ATF6: variants seen among roughly 807,000 people sequenced by gnomAD.
ATF6 encodes the protein cyclic AMP-dependent transcription factor ATF-6 alpha.
ATF6 carries 53 observed loss-of-function variants against 83.6 expected under a neutral mutation model. That is an observed-to-expected ratio of 0.63 (90% CI 0.51 to 0.80). The LOEUF (loss-of-function observed/expected upper bound fraction) is 0.80, where lower values mean the gene tolerates loss of function less well. ATF6 is among the 30% of genes least tolerant of loss of function. ATF6 has a pLI of 0.00. For missense variants in ATF6, 744 were observed against 797.9 expected (o/e 0.93, Z 0.81); for synonymous variants, 288 against 285.8 (o/e 1.01, Z -0.08).
chr1:161,892,860 A>G (rs1687587548), intron 14 of ATF6, among the ~76,000 whole-genome samples: 1 of 151,450 alleles, frequency 6.6e-6, no homozygotes, highest in Admixed American at 6.6e-5. Flanking sequence ...CTGGTCTCGA[A>G]CTCCTGACCT....
chr1:161,819,325 A>G (rs1685692739), intron 7 of ATF6, among the ~76,000 whole-genome samples: 1 of 152,208 alleles, frequency 6.6e-6, no homozygotes, highest in South Asian at 2.1e-4. Flanking sequence ...ATGTATGTAT[A>G]TATGCATATA....
At chr1:161,833,387 A>T (rs1267070751) in intron 9 of ATF6, among the ~76,000 whole-genome samples, 1 of 152,136 alleles carries the variant, frequency 6.6e-6, no homozygotes, top group Non-Finnish European at 1.5e-5. Context: ...CACCCGCAAC[A>T]GAACAAAGCT....
intron 15 of ATF6, among the ~76,000 whole-genome samples, chr1:161,949,355 G>T (rs1216772147): frequency 6.6e-6 from 1 of 152,206 alleles, no homozygotes; most frequent in Non-Finnish European, 1.5e-5. Context: ...TTACTGCTAG[G>T]AGTGTGTCTG....
At chr1:161,805,935 T>C (rs1685268696) in intron 7 of ATF6, among the ~76,000 whole-genome samples, 1 of 152,170 alleles carries the variant, frequency 6.6e-6, no homozygotes, top group Non-Finnish European at 1.5e-5. Flanking sequence ...CAGCCATAAG[T>C]AGCGTTTTTA....
At chr1:161,782,144 A>G (rs913204831) in intron 3 of ATF6, 145 bp downstream of exon 3, 7 of 583,792 alleles carry the variant, frequency 1.2e-5, no homozygotes, top group African/African-American at 1.9e-5. Flanking sequence ...CTGGTATGGC[A>G]ATTATGTAAA....
chr1:161,931,121 C>T (rs1410231740), intron 15 of ATF6, among the ~76,000 whole-genome samples: 2 of 152,164 alleles, frequency 1.3e-5, no homozygotes, highest in African/African-American at 2.4e-5. Context: ...GTGATCCACT[C>T]GCCTCAGCCT....
intron 15 of ATF6, among the ~76,000 whole-genome samples, chr1:161,942,942 G>A (rs10800137): frequency 0.63 from 95,956 of 152,010 alleles, 32,045 homozygotes; most frequent in Non-Finnish European, 0.75. Flanking sequence ...TGCAACCTCC[G>A]CCTCCAGGGT....
chr1:161,939,100 A>G (rs1469851666), intron 15 of ATF6, among the ~76,000 whole-genome samples: 1 of 152,098 alleles, frequency 6.6e-6, no homozygotes, highest in African/African-American at 2.4e-5. Flanking sequence ...ATGCTACCAT[A>G]TTATCTTCTC....
chr1:161,909,836 G>T (rs1382764426), intron 14 of ATF6, among the ~76,000 whole-genome samples: 1 of 152,124 alleles, frequency 6.6e-6, no homozygotes, highest in African/African-American at 2.4e-5. Flanking sequence ...GGCGCCTGTA[G>T]TCCCAGCTAC....
At position 161,951,971 on chromosome 1, in the gene ATF6, G is replaced by T. The variant is rs111440656; in HGVS notation, c.1805-6475G>T. On this transcript the variant is annotated intron_variant, in intron 15 of 15. Coordinates refer to ENST00000367942, the MANE Select transcript of ATF6 (RefSeq NM_007348.4). ...CTGTAATAGTACCTGGCCATTACTG[G>T]TCTATAATCAGTGCTCATATAATTG... is the stretch of plus-strand genomic sequence containing the variant. Among the ~76,000 whole-genome samples, 1,504 of 152,242 alleles carry T rather than the reference G, an allele frequency of 9.9e-3. 8 individuals carry two copies. Among genetic ancestry groups the T allele is most frequent in the South Asian group, 0.017 (83 of 4,812 alleles).
intron 6 of ATF6, among the ~76,000 whole-genome samples, chr1:161,793,885 A>G (rs776344944): frequency 2.6e-5 from 4 of 151,910 alleles, no homozygotes; most frequent in African/African-American, 7.3e-5. Flanking sequence ...GCATGTGCTA[A>G]TATGAGGAAC....
chr1:161,872,541 G>A (rs182846823), intron 14 of ATF6, among the ~76,000 whole-genome samples: 119 of 151,698 alleles, frequency 7.8e-4, no homozygotes, highest in African/African-American at 2.8e-3. Flanking sequence ...AGAAATATAG[G>A]AGAATTGGAA....
chr1:161,858,505 A>G (rs1686813109), intron 12 of ATF6, among the ~76,000 whole-genome samples: 1 of 152,198 alleles, frequency 6.6e-6, no homozygotes, highest in Non-Finnish European at 1.5e-5. Flanking sequence ...TAGACTTCCA[A>G]ACAAAGATTA....
rs146075330 is a variant in ATF6, at chr1:161,846,686, GAGT to G, written c.1319+112_1319+114del. 2,380 of 1,174,792 alleles carry G rather than the reference GAGT, an allele frequency of 2.0e-3. 38 individuals carry two copies. The African/African-American group carries it at 0.033, about 16-fold the overall frequency. 72.8% of individuals were successfully genotyped at this position (1,174,792 alleles called of 1,614,324 possible). On this transcript the variant is annotated intron_variant, in intron 10 of 15. Transcript: ENST00000367942. The stretch of plus-strand genomic sequence containing the variant: ...CATCTAAATTGTTCGTGTATATTTT[GAGT>G]AGTAGAACACATAAATTACTGAAAC...
chr1:161,884,387 A>C (rs1212354756), intron 14 of ATF6, among the ~76,000 whole-genome samples: 1 of 152,130 alleles, frequency 6.6e-6, no homozygotes, highest in African/African-American at 2.4e-5. Context: ...CTTTAAAGAA[A>C]ACATAAATGT....
At chr1:161,927,269 A>C (rs1688336631) in intron 15 of ATF6, among the ~76,000 whole-genome samples, 1 of 152,176 alleles carries the variant, frequency 6.6e-6, no homozygotes, top group South Asian at 2.1e-4. Flanking sequence ...GTCTGTAGGC[A>C]AGCATTTTAT....
chr1:161,948,074 C>T (rs560493453), intron 15 of ATF6, among the ~76,000 whole-genome samples: 33 of 151,952 alleles, frequency 2.2e-4, no homozygotes, highest in East Asian at 5.8e-4. Flanking sequence ...TCCACCCCCC[C>T]GTCAGCCTCC....
intron 1 of ATF6, among the ~76,000 whole-genome samples, chr1:161,776,699 G>T (rs1050053343): frequency 1.3e-5 from 2 of 152,144 alleles, no homozygotes; most frequent in Non-Finnish European, 2.9e-5. Flanking sequence ...AGGTTTGGTG[G>T]GGTTGATGAG....
At chr1:161,803,986 T>TC (rs1685218402) in intron 7 of ATF6, among the ~76,000 whole-genome samples, 2 of 79,886 alleles carry the variant, frequency 2.5e-5, no homozygotes, top group Admixed American at 3.2e-4. Context: ...GTGCTATCCC[T>TC]CCCCCCTCCC....
Sources: allele counts gnomAD v4.1 joint callset (sites outside exome capture counted in the v4.1 genomes callset), GRCh38; gene constraint gnomAD v4.1.1; transcripts MANE v1.5; gene names NCBI Gene and HGNC (gene_info 2026-07-23, HGNC 2026-07-21).